DEUP1: variants seen among roughly 807,000 people sequenced by gnomAD.
DEUP1 encodes the protein coiled-coil domain containing 67.
Under a neutral mutation model 87.4 loss-of-function variants are expected in DEUP1, and 82 were observed. The observed-to-expected ratio is 0.94, with a 90% CI of 0.78 to 1.13. The LOEUF is 1.13. Ranked by LOEUF, DEUP1 falls within the 50% of genes most tolerant of loss-of-function variation. The pLI, the probability that DEUP1 is intolerant of heterozygous loss-of-function variation, is 0.00. For synonymous variants in DEUP1, 214 were observed against 222.7 expected (o/e 0.96, Z 0.35); for missense variants, 663 against 681.5 (o/e 0.97, Z 0.30).
chr11:93,394,020 C>G (rs1946857695), intron 9 of DEUP1, among the ~76,000 whole-genome samples: 1 of 152,158 alleles, frequency 6.6e-6, no homozygotes, highest in African/African-American at 2.4e-5. Context: ...AACAGTACAG[C>G]CTATTTTAGT....
rs192892352 is a variant in DEUP1, at chr11:93,415,089, T to C, written c.1613T>C (p.Val538Ala). The stretch of plus-strand genomic sequence containing the variant: ...GCCAAAGAAATGACAAGTCCTTTGG[T>C]TAGTGATGATGATGTATTCCCACTG... ...FQAKEMTSPL[V>A]SDDDVFPLSP... is the part of the protein sequence containing the mutation. The change falls in exon 13 of 14, where the codon GTT becomes GCT. Residue 538 changes from valine (V) to alanine (A), a missense_variant. Coordinates refer to ENST00000298050, the MANE Select transcript of DEUP1 (RefSeq NM_181645.4). The C allele has an allele frequency of 1.2e-5, 19 of 1,610,346 alleles. No individual in the cohort carries two copies. Among genetic ancestry groups the C allele is most frequent in the Non-Finnish European group, 1.7e-6 (2 of 1,178,270 alleles).
intron 12 of DEUP1, among the ~76,000 whole-genome samples, chr11:93,414,097 A>G (rs1302100800): frequency 6.6e-6 from 1 of 152,210 alleles, no homozygotes; most frequent in Non-Finnish European, 1.5e-5. Context: ...GAAAATTAAA[A>G]TCACAGAGAG....
chr11:93,412,619 A>T (rs1947469861), intron 12 of DEUP1, among the ~76,000 whole-genome samples: 1 of 152,220 alleles, frequency 6.6e-6, no homozygotes, highest in African/African-American at 2.4e-5. Flanking sequence ...AACTAAGATA[A>T]TTATTTAGAT....
intron 12 of DEUP1, among the ~76,000 whole-genome samples, chr11:93,412,466 T>C (rs1227212545): frequency 6.6e-6 from 1 of 152,322 alleles, no homozygotes; most frequent in East Asian, 1.9e-4. Flanking sequence ...TTGTCAGATA[T>C]AAAGGTGATT....
At chr11:93,378,580 AG>A (rs1031393774) in intron 7 of DEUP1, among the ~76,000 whole-genome samples, 2 of 152,028 alleles carry the variant, frequency 1.3e-5, no homozygotes, top group Admixed American at 6.6e-5. Context: ...CTGGCAATTC[AG>A]AGATTTCTCC....
At chr11:93,378,664 A>G (rs1300447648) in intron 7 of DEUP1, among the ~76,000 whole-genome samples, 1 of 150,664 alleles carries the variant, frequency 6.6e-6, no homozygotes, top group Non-Finnish European at 1.5e-5. Flanking sequence ...TTGTCATATT[A>G]CCAGAATTGT....
At chr11:93,395,998 C>T (rs1036057440) in intron 10 of DEUP1, among the ~76,000 whole-genome samples, 1 of 152,160 alleles carries the variant, frequency 6.6e-6, no homozygotes, top group East Asian at 1.9e-4. Context: ...TAGGACAAAA[C>T]TAAATGAATC....
chr11:93,349,798 C>T (rs1260124197), intron 2 of DEUP1, among the ~76,000 whole-genome samples: 3 of 151,798 alleles, frequency 2.0e-5, no homozygotes, highest in Non-Finnish European at 4.4e-5. Context: ...TAAAGACCAC[C>T]CAAATGAAAA....
At chr11:93,398,034 A>T (rs1356957845) in intron 11 of DEUP1, among the ~76,000 whole-genome samples, 1 of 152,028 alleles carries the variant, frequency 6.6e-6, no homozygotes, top group Admixed American at 6.6e-5. Flanking sequence ...TACCCGCATT[A>T]TACCCCCTCC....
intron 9 of DEUP1, among the ~76,000 whole-genome samples, chr11:93,393,791 TA>T (rs1304778412): frequency 6.6e-6 from 1 of 152,082 alleles, no homozygotes; most frequent in Non-Finnish European, 1.5e-5. Context: ...AGGCAAGACT[TA>T]AAAGAGGTTG....
At chr11:93,340,187 G>A (rs886990222) in intron 2 of DEUP1, among the ~76,000 whole-genome samples, 2 of 152,090 alleles carry the variant, frequency 1.3e-5, no homozygotes, top group East Asian at 1.9e-4. Context: ...TGTAGAAAAA[G>A]TAAGCAGATT....
intron 5 of DEUP1, among the ~76,000 whole-genome samples, chr11:93,365,493 C>T (rs1945369283): frequency 6.6e-6 from 1 of 152,038 alleles, no homozygotes; most frequent in African/African-American, 2.4e-5. Context: ...TGTGCTTTCA[C>T]TGAAAATGAA....
At chr11:93,394,761 T>C in intron 10 of DEUP1, 105 bp downstream of exon 10, 1 of 744,586 alleles carries the variant, frequency 1.3e-6, no homozygotes, top group Non-Finnish European at 2.1e-6. Flanking sequence ...CTTGGTATTA[T>C]TTCTGAGACT....
intron 11 of DEUP1, among the ~76,000 whole-genome samples, chr11:93,398,634 G>A (rs1241695064): frequency 6.6e-6 from 1 of 151,426 alleles, no homozygotes; most frequent in Non-Finnish European, 1.5e-5. Flanking sequence ...ACATATTTTT[G>A]TATATTCATT....
chr11:93,356,869 G>T, intron 3 of DEUP1, 79 bp from the exon 4 acceptor site: 1 of 849,530 alleles, frequency 1.2e-6, no homozygotes, highest in Non-Finnish European at 1.9e-6. Context: ...TATTTGAATT[G>T]TTCTTCTCTT....
At chr11:93,361,287 C>A (rs1389173203) in intron 4 of DEUP1, among the ~76,000 whole-genome samples, 1 of 152,000 alleles carries the variant, frequency 6.6e-6, no homozygotes, top group African/African-American at 2.4e-5. Context: ...AAAGAAAGTT[C>A]TCTTAACAGA....
chr11:93,381,448 T>C (rs1235820771), intron 7 of DEUP1, among the ~76,000 whole-genome samples: 1 of 152,210 alleles, frequency 6.6e-6, no homozygotes, highest in East Asian at 1.9e-4. Context: ...TCTCTTTGTT[T>C]ATGGCACACT....
At chr11:93,342,699 T>A (rs1294400942) in intron 2 of DEUP1, among the ~76,000 whole-genome samples, 1 of 152,208 alleles carries the variant, frequency 6.6e-6, no homozygotes, top group Non-Finnish European at 1.5e-5. Flanking sequence ...CAAAGTTCTG[T>A]TAGTATGGAA....
At chr11:93,362,159 A>G (rs1014705409) in intron 4 of DEUP1, among the ~76,000 whole-genome samples, 7 of 152,004 alleles carry the variant, frequency 4.6e-5, no homozygotes, top group Non-Finnish European at 1.0e-4. Flanking sequence ...GGATTAGGCA[A>G]TGGTTTCTTA....
Sources: allele counts gnomAD v4.1 joint callset (sites outside exome capture counted in the v4.1 genomes callset), GRCh38; gene constraint gnomAD v4.1.1; transcripts MANE v1.5; gene names NCBI Gene and HGNC (gene_info 2026-07-23, HGNC 2026-07-21).